Variants in PKIG observed in about 807,000 individuals in gnomAD.
The protein encoded by PKIG is protein kinase (cAMP-dependent, catalytic) inhibitor gamma.
In PKIG, 1 loss-of-function variant was observed where a neutral mutation model predicts 6.8. The ratio of observed to expected loss-of-function variants is 0.15; its 90% CI spans 0.05 to 0.69. The LOEUF (loss-of-function observed/expected upper bound fraction) is 0.69, where lower values mean the gene tolerates loss of function less well. PKIG is among the 30% of genes least tolerant of loss of function. The probability of loss-of-function intolerance (pLI) is 0.82; values close to 1 mark genes in which losing one functional copy is unlikely to be tolerated. For synonymous variants in PKIG, 39 were observed against 43.0 expected (o/e 0.91, Z 0.36); for missense variants, 77 against 104.0 (o/e 0.74, Z 1.13).
intron 1 of PKIG, among the ~76,000 whole-genome samples, chr20:44,549,142 A>G (rs780416739): frequency 2.2e-4 from 34 of 152,090 alleles, no homozygotes; most frequent in Admixed American, 7.2e-4. Context: ...TAAAAGTTTG[A>G]TTTTTGCTTT....
intron 2 of PKIG, among the ~76,000 whole-genome samples, chr20:44,609,935 G>A (rs1050351098): frequency 5.9e-5 from 9 of 152,208 alleles, no homozygotes; most frequent in African/African-American, 2.2e-4. Context: ...TTTCCTTATC[G>A]TAGGAATTGT....
At chr20:44,589,315 GA>G (rs1417012543) in intron 1 of PKIG, among the ~76,000 whole-genome samples, 4 of 152,128 alleles carry the variant, frequency 2.6e-5, no homozygotes, top group Non-Finnish European at 4.4e-5. Context: ...CCAGCCTGGG[GA>G]CAGAGTGAGA....
intron 2 of PKIG, among the ~76,000 whole-genome samples, chr20:44,610,136 A>G (rs2065201350): frequency 6.6e-6 from 1 of 152,210 alleles, no homozygotes; most frequent in African/African-American, 2.4e-5. Context: ...GGCAGCGCGC[A>G]AGGCTGCTAG....
chr20:44,560,219 G>C (rs912333298), intron 1 of PKIG, among the ~76,000 whole-genome samples: 19 of 151,930 alleles, frequency 1.3e-4, no homozygotes, highest in Admixed American at 3.3e-4. Flanking sequence ...CACTGCACAG[G>C]AGCCTAGGTG....
intron 1 of PKIG, among the ~76,000 whole-genome samples, chr20:44,585,855 T>A (rs1028550311): frequency 9.9e-5 from 15 of 152,252 alleles, no homozygotes; most frequent in African/African-American, 3.6e-4. Context: ...TGTCTACCGT[T>A]TCTTTCGATT....
chr20:44,599,836 A>T (rs2065105867), intron 2 of PKIG, among the ~76,000 whole-genome samples: 1 of 152,184 alleles, frequency 6.6e-6, no homozygotes, highest in African/African-American at 2.4e-5. Flanking sequence ...GGGTGTCTGC[A>T]GTTAGGTGAG....
intron 2 of PKIG, among the ~76,000 whole-genome samples, chr20:44,611,427 C>G (rs2065217908): frequency 6.6e-6 from 1 of 152,190 alleles, no homozygotes; most frequent in East Asian, 1.9e-4. Flanking sequence ...CTAATTGTAA[C>G]TATGTACCCG....
chr20:44,618,545 C>T lies in PKIG; in HGVS notation c.*181C>T. The T allele has an allele frequency of 1.8e-6, 1 of 568,956 alleles. No homozygotes were observed. 35.2% of individuals were successfully genotyped at this position (568,956 alleles called of 1,614,324 possible). ...CTCCGGGAAAGCCCTCTGCCCACAC[C>T]CACAGGCTTCACATTCCCACCACCT... On this transcript the variant is annotated 3_prime_UTR_variant, in exon 4 of 4. Coordinates refer to ENST00000372886, the MANE Select transcript of PKIG (RefSeq NM_001281445.2).
At chr20:44,546,181 T>C (rs2064612294) in intron 1 of PKIG, among the ~76,000 whole-genome samples, 1 of 151,742 alleles carries the variant, frequency 6.6e-6, no homozygotes, top group South Asian at 2.1e-4. Context: ...CCCAGGGAGG[T>C]TGAGGCTGCA....
chr20:44,610,551 C>T (rs2065209209), intron 2 of PKIG, among the ~76,000 whole-genome samples: 1 of 147,702 alleles, frequency 6.8e-6, no homozygotes. Flanking sequence ...ACTGGCTCAA[C>T]CCCACCCTGG....
chr20:44,552,087 C>T (rs1477146053), intron 1 of PKIG, among the ~76,000 whole-genome samples: 2 of 152,222 alleles, frequency 1.3e-5, no homozygotes, highest in East Asian at 3.8e-4. Flanking sequence ...TTATTTCTCC[C>T]TGTGCTGCTA....
intron 1 of PKIG, among the ~76,000 whole-genome samples, chr20:44,584,290 A>C (rs2064971447): frequency 6.6e-6 from 1 of 152,122 alleles, no homozygotes; most frequent in South Asian, 2.1e-4. Flanking sequence ...ACTATGCCCC[A>C]CTGCCTAGTA....
chr20:44,557,974 T>G (rs2064729818), intron 1 of PKIG, among the ~76,000 whole-genome samples: 2 of 152,312 alleles, frequency 1.3e-5, no homozygotes, highest in Admixed American at 6.5e-5. Flanking sequence ...ACCTCACTAT[T>G]TCTCCAAAGT....
intron 1 of PKIG, among the ~76,000 whole-genome samples, chr20:44,544,594 A>T (rs989533828): frequency 6.6e-6 from 1 of 152,148 alleles, no homozygotes; most frequent in Admixed American, 6.6e-5. Context: ...TTGAGGCAGG[A>T]AGAAGTAGGA....
chr20:44,578,597 C>T (rs1200725600), upstream of PKIG, among the ~76,000 whole-genome samples: 3 of 152,142 alleles, frequency 2.0e-5, no homozygotes, highest in Non-Finnish European at 4.4e-5. Context: ...TCCGGCTCTC[C>T]TTTCCCTCTA....
intron 1 of PKIG, among the ~76,000 whole-genome samples, chr20:44,547,712 G>A (rs1289395385): frequency 2.6e-5 from 4 of 152,048 alleles, no homozygotes; most frequent in South Asian, 2.1e-4. Context: ...TTTCTTCGTC[G>A]GAAAAAATGG....
intron 2 of PKIG, among the ~76,000 whole-genome samples, chr20:44,596,598 C>CTA (rs1244277746): frequency 2.0e-5 from 3 of 152,192 alleles, no homozygotes; most frequent in Admixed American, 6.5e-5. Flanking sequence ...GTTGTTCAAC[C>CTA]GGTATTTACC....
intron 1 of PKIG, among the ~76,000 whole-genome samples, chr20:44,563,624 G>A (rs1265510890): frequency 6.6e-6 from 1 of 152,106 alleles, no homozygotes; most frequent in Non-Finnish European, 1.5e-5. Flanking sequence ...CAGCCTCCTG[G>A]GCTCAAGCGA....
intron 1 of PKIG, among the ~76,000 whole-genome samples, chr20:44,557,481 G>T (rs1289726994): frequency 7.2e-6 from 1 of 138,378 alleles, no homozygotes; most frequent in Non-Finnish European, 1.5e-5. Flanking sequence ...AGCCGAGATC[G>T]CACCACTGCA....
Sources: gnomAD v4.1 joint callset for allele counts (sites outside exome capture counted in the v4.1 genomes callset) on GRCh38, gnomAD v4.1.1 for gene constraint, MANE v1.5 for transcripts, NCBI Gene and HGNC (gene_info 2026-07-23, HGNC 2026-07-21) for gene names.